GOLGA4: variants seen among roughly 807,000 people sequenced by gnomAD.
GOLGA4 encodes the protein golgin subfamily A member 4.
In GOLGA4, 169 loss-of-function variants were observed where a neutral mutation model predicts 265.9. The ratio of observed to expected loss-of-function variants is 0.64; its 90% CI spans 0.56 to 0.72. The LOEUF is 0.72. Among genes scored for constraint, GOLGA4 ranks in the 30% least tolerant of loss-of-function variants. GOLGA4 has a pLI of 0.00. For synonymous variants in GOLGA4, 923 were observed against 855.8 expected (o/e 1.08, Z -1.37); for missense variants, 2,482 against 2,483.4 (o/e 1.00, Z 0.01).
chr3:37,252,615 GA>G (rs1477068762), intron 2 of GOLGA4, among the ~76,000 whole-genome samples: 29 of 152,014 alleles, frequency 1.9e-4, no homozygotes, highest in Non-Finnish European at 2.9e-5. Context: ...CTATATTTTT[GA>G]GAGTCTTTAT....
chr3:37,284,356 C>G (rs1227270464), intron 3 of GOLGA4, among the ~76,000 whole-genome samples: 1 of 152,106 alleles, frequency 6.6e-6, no homozygotes, highest in Non-Finnish European at 1.5e-5. Flanking sequence ...CCTCCGCCTA[C>G]TGGGTCCTGG....
rs771622835 is a variant in GOLGA4, at chr3:37,324,657, T to C, written c.2771T>C (p.Ile924Thr). ...ATGAGAGAAGGACAGAAGAAAGAAA[T>C]TGAGATACTCACACAGAAATTGTCA... Reference protein sequence around the residue: ...LQMREGQKKEIEILTQKLSAK... With the variant: ...LQMREGQKKETEILTQKLSAK... The change falls in exon 14 of 24, where the codon ATT becomes ACT. Residue 924 changes from isoleucine (I) to threonine (T), a missense_variant. This residue lies in a region of GOLGA4 where 1,536 missense variants were observed against 1,483.7 expected (regional missense o/e 1.04). Coordinates refer to ENST00000361924, the MANE Select transcript of GOLGA4 (RefSeq NM_002078.5). 1 of 1,612,678 alleles carries C rather than the reference T, an allele frequency of 6.2e-7. No homozygotes were observed. Among genetic ancestry groups the C allele is most frequent in the Admixed American group, 1.7e-5 (1 of 59,948 alleles).
At chr3:37,330,486 T>G (rs1001712038) in intron 16 of GOLGA4, among the ~76,000 whole-genome samples, 4 of 152,146 alleles carry the variant, frequency 2.6e-5, no homozygotes, top group African/African-American at 7.2e-5. Flanking sequence ...GGTAGACTTT[T>G]CTAGACTCAT....
chr3:37,254,907 T>C (rs1477820329), intron 2 of GOLGA4, among the ~76,000 whole-genome samples: 2 of 148,082 alleles, frequency 1.4e-5, no homozygotes, highest in African/African-American at 4.9e-5. Context: ...GCTTATATAT[T>C]ATATATATAG....
At chr3:37,284,651 C>G (rs1388957902) in intron 3 of GOLGA4, among the ~76,000 whole-genome samples, 1 of 150,100 alleles carries the variant, frequency 6.7e-6, no homozygotes, top group Non-Finnish European at 1.5e-5. Context: ...GCTAGACTCA[C>G]CTTCCATTGC....
chr3:37,358,619 A>G lies in GOLGA4; in HGVS notation c.6664-2624A>G, dbSNP rs73053216. Among the ~76,000 whole-genome samples the G allele has an allele frequency of 3.1e-3, 466 of 152,322 alleles. 4 individuals carry two copies. Among genetic ancestry groups the G allele is most frequent in the Non-Finnish European group, 5.0e-3 (338 of 68,032 alleles). Reference sequence around the variant, plus strand: ...TAGGATTGTCCAGGAACCAGAGTACAGTTGCCTGCGCTGAGTGATAATGTA... The same window carrying G: ...TAGGATTGTCCAGGAACCAGAGTACGGTTGCCTGCGCTGAGTGATAATGTA... On this transcript the variant is annotated intron_variant, in intron 22 of 23. Coordinates refer to ENST00000361924, the MANE Select transcript of GOLGA4 (RefSeq NM_002078.5).
intron 10 of GOLGA4, among the ~76,000 whole-genome samples, chr3:37,305,990 G>A (rs1050003942): frequency 1.3e-5 from 2 of 152,068 alleles, no homozygotes; most frequent in Non-Finnish European, 2.9e-5. Context: ...GGAGGACAGA[G>A]GAAATCTGAA....
At chr3:37,345,750 C>T (rs937508415) in intron 20 of GOLGA4, among the ~76,000 whole-genome samples, 3 of 152,094 alleles carry the variant, frequency 2.0e-5, no homozygotes, top group Non-Finnish European at 2.9e-5. Flanking sequence ...AGTTCAAGAC[C>T]AGCCTGACCA....
chr3:37,339,403 TG>T (rs1421241600), intron 19 of GOLGA4, among the ~76,000 whole-genome samples: 1 of 152,218 alleles, frequency 6.6e-6, no homozygotes, highest in African/African-American at 2.4e-5. Context: ...CCAGTTCTTT[TG>T]GGTATATACA....
chr3:37,261,241 G>A lies in GOLGA4; in HGVS notation c.162+9757G>A, dbSNP rs115648649. On this transcript the variant is annotated intron_variant, in intron 2 of 23. Coordinates refer to ENST00000361924, the MANE Select transcript of GOLGA4 (RefSeq NM_002078.5). Reference sequence around the variant, plus strand: ...GTCACAGTGGCATGCTGCCTAACATGCTAAATCCTCACCTGGAAGACTTTA... The same window carrying A: ...GTCACAGTGGCATGCTGCCTAACATACTAAATCCTCACCTGGAAGACTTTA... 4.8e-3 allele frequency among the ~76,000 whole-genome samples: 737 copies of A among 152,284 alleles called. 9 individuals are homozygous for A. The highest frequency in any genetic ancestry group is 0.017 in the African/African-American group (704 of 41,550).
chr3:37,276,064 T>G, intron 2 of GOLGA4: 1 of 1,612,496 alleles, frequency 6.2e-7, no homozygotes, highest in Non-Finnish European at 8.5e-7. Context: ...ATGCTCGAGA[T>G]ACTTATGTTT....
intron 10 of GOLGA4, among the ~76,000 whole-genome samples, chr3:37,306,856 G>A (rs752017471): frequency 6.6e-6 from 1 of 151,614 alleles, no homozygotes; most frequent in Admixed American, 6.6e-5. Context: ...ATATATTTTT[G>A]TTATACTATT....
intron 19 of GOLGA4, among the ~76,000 whole-genome samples, chr3:37,339,446 T>A (rs1289254087): frequency 6.6e-6 from 1 of 152,170 alleles, no homozygotes; most frequent in Non-Finnish European, 1.5e-5. Context: ...ATACAGTAAT[T>A]CTATGTTTAA....
rs186077130 is a variant in GOLGA4, at chr3:37,334,146, T to G, written c.6193-907T>G. Among the ~76,000 whole-genome samples, 3 of 152,328 alleles carry G rather than the reference T, an allele frequency of 2.0e-5. No individual in the cohort carries two copies. The East Asian group carries it at 5.8e-4, about 29-fold the overall frequency. On this transcript the variant is annotated intron_variant, in intron 16 of 23. Coordinates refer to ENST00000361924, the MANE Select transcript of GOLGA4 (RefSeq NM_002078.5). ...AGTCTGGGTTGCCCTGTACAATAAA[T>G]CATGGCAATGACCAAGACAAATGAG...
At chr3:37,245,597 A>G (rs898023913) in intron 1 of GOLGA4, among the ~76,000 whole-genome samples, 2 of 152,202 alleles carry the variant, frequency 1.3e-5, no homozygotes, top group African/African-American at 4.8e-5. Context: ...GTTTTTGTTC[A>G]TTAACAAAGA....
At position 37,326,562 on chromosome 3, in the gene GOLGA4, A is replaced by C; in HGVS notation, c.4676A>C (p.His1559Pro). The C allele has an allele frequency of 6.2e-7, 1 of 1,611,508 alleles. No homozygotes were observed. The highest frequency in any genetic ancestry group is 8.5e-7 in the Non-Finnish European group (1 of 1,178,112). Residue 1559 changes from histidine to proline, a missense_variant, in exon 14 of 24, where the codon CAC (histidine) becomes CCC (proline). By Grantham distance (77) the His-to-Pro change is moderately conservative. Coordinates refer to ENST00000361924, the MANE Select transcript of GOLGA4 (RefSeq NM_002078.5). ...TACAATCAACAAAAGGATATTGAAC[A>C]CAAAGAATTGGTTCAGAAACTTCAA... ...KNYNQQKDIE[H>P]KELVQKLQHF...
intron 2 of GOLGA4, among the ~76,000 whole-genome samples, chr3:37,273,371 A>G (rs796134275): frequency 7.2e-5 from 11 of 152,338 alleles, no homozygotes; most frequent in African/African-American, 2.4e-4. Flanking sequence ...CCATACTACA[A>G]TAGTTTTGCC....
chr3:37,262,540 T>C (rs1322017361), intron 2 of GOLGA4, among the ~76,000 whole-genome samples: 1 of 151,548 alleles, frequency 6.6e-6, no homozygotes, highest in African/African-American at 2.4e-5. Flanking sequence ...AAAAAAAAAT[T>C]GATGTAAACA....
intron 23 of GOLGA4, among the ~76,000 whole-genome samples, chr3:37,362,780 CTT>C (rs71094906): frequency 1.7e-4 from 13 of 75,454 alleles, no homozygotes; most frequent in South Asian, 3.6e-4. Context: ...AGCCTCTAAG[CTT>C]TTTTTTTTTT....
Sources: allele counts gnomAD v4.1 joint callset (sites outside exome capture counted in the v4.1 genomes callset), GRCh38; gene constraint gnomAD v4.1.1; regional missense constraint gnomAD v4.1.1; transcripts MANE v1.5; gene names NCBI Gene and HGNC (gene_info 2026-07-23, HGNC 2026-07-21).